The following GNAL variants were observed in gnomAD, a reference collection of about 807,000 sequenced individuals.
GNAL encodes G protein subunit alpha L.
In GNAL, 18 loss-of-function variants were observed where a neutral mutation model predicts 55.1. That is an observed-to-expected ratio of 0.33 (90% CI 0.23 to 0.48). The LOEUF is 0.48. Ranked by LOEUF, GNAL falls within the 20% of genes least tolerant of loss-of-function variation. The pLI, the probability that GNAL is intolerant of heterozygous loss-of-function variation, is 0.99. For synonymous variants in GNAL, 253 were observed against 237.0 expected, an observed-to-expected ratio of 1.07 and a Z score of -0.62; for missense variants, 412 against 614.1, an observed-to-expected ratio of 0.67 and a Z score of 3.48.
rs993558684 is a variant in GNAL at position 11,751,562 on chromosome 18, G to A, written c.377-1291G>A. 5.5e-5 allele frequency: 54 copies of A among 985,432 alleles called. No homozygotes were observed. The highest frequency in any genetic ancestry group is 6.1e-5 in the Non-Finnish European group (51 of 830,010). 61.0% of individuals were successfully genotyped at this position (985,432 alleles called of 1,614,324 possible). The stretch of plus-strand genomic sequence containing the variant: ...CTAGAATATGCATGATCCTCCGCGA[G>A]TCTTCGCCCGCCAGGAGCAGGGACG... On this transcript the variant is annotated intron_variant, in intron 1 of 11. Coordinates refer to ENST00000334049, the MANE Select transcript of GNAL (RefSeq NM_182978.4). This position sits in a 1 kb window ranked among gnomAD's most constrained non-coding sequence, Gnocchi z 4.5.
intron 4 of GNAL, among the ~76,000 whole-genome samples, chr18:11,764,787 CA>C (rs957861835): frequency 3.0e-5 from 4 of 134,216 alleles, no homozygotes; most frequent in African/African-American, 6.3e-5. Context: ...AACAAACAAA[CA>C]AACAACAAAA....
chr18:11,874,857 C>T (rs111229001), intron 10 of GNAL, among the ~76,000 whole-genome samples: 44 of 146,732 alleles, frequency 3.0e-4, no homozygotes, highest in African/African-American at 1.1e-3. Context: ...GCAGGTGCTG[C>T]GCCCTCCCCT....
At chr18:11,786,393 A>G (rs986498306) in intron 4 of GNAL, among the ~76,000 whole-genome samples, 6 of 144,496 alleles carry the variant, frequency 4.2e-5, no homozygotes, top group African/African-American at 1.5e-4. Flanking sequence ...GTTCTTTTAC[A>G]CGTGGCTGAA....
intron 7 of GNAL, among the ~76,000 whole-genome samples, chr18:11,865,194 C>T (rs1021017194): frequency 2.7e-5 from 4 of 147,606 alleles, no homozygotes; most frequent in Non-Finnish European, 5.9e-5. Context: ...AATCTTCCTA[C>T]GGCACGGCCT....
At chr18:11,747,224 G>A (rs546575611) in intron 1 of GNAL, 4 of 366,446 alleles carry the variant, frequency 1.1e-5, no homozygotes, top group Non-Finnish European at 2.1e-5. Flanking sequence ...CTCCAAAGAT[G>A]AGGTGGAGAA....
chr18:11,765,131 C>T (rs1214619008), intron 4 of GNAL, among the ~76,000 whole-genome samples: 1 of 152,102 alleles, frequency 6.6e-6, no homozygotes, highest in African/African-American at 2.4e-5. Flanking sequence ...CATGGAGGAC[C>T]AGCCACAACA....
chr18:11,739,940 T>G (rs1259024906), intron 1 of GNAL, among the ~76,000 whole-genome samples: 2 of 151,962 alleles, frequency 1.3e-5, no homozygotes, highest in African/African-American at 2.4e-5. Flanking sequence ...AACCTCCCCC[T>G]GCGTTCAGCA....
At chr18:11,846,188 G>GA (rs1339916188) in intron 5 of GNAL, among the ~76,000 whole-genome samples, 6 of 152,018 alleles carry the variant, frequency 3.9e-5, no homozygotes, top group African/African-American at 1.4e-4. Flanking sequence ...GTGTAAAGAA[G>GA]GAGGAGGAGA....
intron 1 of GNAL, among the ~76,000 whole-genome samples, chr18:11,725,770 C>G (rs1567999577): frequency 6.6e-6 from 1 of 152,204 alleles, no homozygotes; most frequent in Non-Finnish European, 1.5e-5. Flanking sequence ...TGTAAGTTCT[C>G]AACTCATTTG....
At chr18:11,839,737 A>G (rs562287730) in intron 5 of GNAL, among the ~76,000 whole-genome samples, 1 of 152,272 alleles carries the variant, frequency 6.6e-6, no homozygotes, top group South Asian at 2.1e-4. Context: ...GCAAAAAGGA[A>G]TGAGGAGCTG....
At position 11,752,206 on chromosome 18, in the gene GNAL, C is replaced by T; in HGVS notation, c.377-647C>T. The T allele has an allele frequency of 1.4e-6, 1 of 696,784 alleles. No homozygotes were observed. The highest frequency in any genetic ancestry group is 4.3e-5 in the Admixed American group (1 of 23,270). 43.2% of individuals were successfully genotyped at this position (696,784 alleles called of 1,614,324 possible). Reference sequence around the variant, plus strand: ...TTGAAACAATTCTCGTGTAAAAAGGCATTTTACTCCGCGCGTCTTCCTTAC... The same window carrying T: ...TTGAAACAATTCTCGTGTAAAAAGGTATTTTACTCCGCGCGTCTTCCTTAC... On this transcript the variant is annotated intron_variant, in intron 1 of 11. Coordinates refer to ENST00000334049, the MANE Select transcript of GNAL (RefSeq NM_182978.4). The surrounding 1 kb of genome is among the most constrained non-coding windows in gnomAD (Gnocchi z 4.5).
chr18:11,815,201 A>G (rs1279309567), intron 4 of GNAL, among the ~76,000 whole-genome samples: 2 of 152,178 alleles, frequency 1.3e-5, no homozygotes, highest in African/African-American at 4.8e-5. Context: ...TCATTATACT[A>G]TGTATATACT....
chr18:11,733,738 C>T (rs1361005132), intron 1 of GNAL, among the ~76,000 whole-genome samples: 1 of 152,066 alleles, frequency 6.6e-6, no homozygotes, highest in Non-Finnish European at 1.5e-5. Flanking sequence ...GAAGAACAGA[C>T]ATTAGAGAGG....
intron 1 of GNAL, among the ~76,000 whole-genome samples, chr18:11,717,625 A>G (rs1378918207): frequency 6.6e-6 from 1 of 152,226 alleles, no homozygotes. Context: ...AAAAAGAACG[A>G]GGTCATGTCC....
At chr18:11,730,774 A>AAAAAT (rs1264821938) in intron 1 of GNAL, among the ~76,000 whole-genome samples, 210 of 152,246 alleles carry the variant, frequency 1.4e-3, no homozygotes, top group African/African-American at 4.8e-3. Context: ...AAAAAGGAAA[A>AAAAAT]AAAATAAAAT....
intron 4 of GNAL, among the ~76,000 whole-genome samples, chr18:11,789,877 T>C (rs1422306197): frequency 2.0e-5 from 3 of 152,336 alleles, no homozygotes; most frequent in East Asian, 3.9e-4. Flanking sequence ...TTCTAGCTCA[T>C]TGATGCTGCT....
intron 5 of GNAL, among the ~76,000 whole-genome samples, chr18:11,861,948 A>G (rs1187616775): frequency 7.2e-6 from 1 of 138,138 alleles, no homozygotes; most frequent in Non-Finnish European, 1.5e-5. Flanking sequence ...GCTCTTACAC[A>G]TATTCACGCA....
chr18:11,849,159 C>T (rs2035799546), intron 5 of GNAL, among the ~76,000 whole-genome samples: 1 of 152,200 alleles, frequency 6.6e-6, no homozygotes, highest in South Asian at 2.1e-4. Context: ...CTATCGGAGT[C>T]TCTCATGATT....
intron 5 of GNAL, chr18:11,851,350 C>T (rs1215030918): frequency 2.1e-6 from 2 of 944,744 alleles, no homozygotes; most frequent in Non-Finnish European, 3.0e-6. Context: ...GCAGGCTCCG[C>T]CTTTGGCGCT....
Sources: allele counts gnomAD v4.1 joint callset (sites outside exome capture counted in the v4.1 genomes callset), GRCh38; gene constraint gnomAD v4.1.1; non-coding constraint Gnocchi (gnomAD v3.1); transcripts MANE v1.5; gene names NCBI Gene and HGNC (gene_info 2026-07-23, HGNC 2026-07-21).